ATP9A: variants seen among roughly 807,000 people sequenced by gnomAD.
The protein encoded by ATP9A is ATPase phospholipid transporting 9A, also known as probable phospholipid-transporting ATPase IIA.
A neutral mutation model predicts 144.1 loss-of-function variants in ATP9A; 52 were observed. The observed-to-expected ratio is 0.36, with a 90% confidence interval of 0.29 to 0.45. ATP9A has a LOEUF of 0.45. Among genes scored for constraint, ATP9A ranks in the 20% least tolerant of loss-of-function variants. The pLI is 1.00. For missense variants in ATP9A, 947 were observed against 1,392.7 expected (o/e 0.68, Z 5.09); for synonymous variants, 582 against 557.4 (o/e 1.04, Z -0.62).
chr20:51,654,100 C>T (rs192163673), intron 14 of ATP9A, among the ~76,000 whole-genome samples: 1 of 152,174 alleles, frequency 6.6e-6, no homozygotes, highest in African/African-American at 2.4e-5. Flanking sequence ...CCTCCCTCCC[C>T]CTCTCTCTTT....
At chr20:51,673,596 C>G (rs925430848) in intron 11 of ATP9A, among the ~76,000 whole-genome samples, 2 of 152,118 alleles carry the variant, frequency 1.3e-5, no homozygotes, top group Non-Finnish European at 2.9e-5. Context: ...GACAGGAGCT[C>G]TAAATGGCAT....
chr20:51,610,030 G>A (rs1002910401), intron 24 of ATP9A, 71 bp downstream of exon 24: 6 of 1,398,752 alleles, frequency 4.3e-6, no homozygotes, highest in Admixed American at 1.8e-5. Context: ...TTTCCACCAC[G>A]TTTCTTCTCT....
chr20:51,690,369 G>A (rs970130212), intron 8 of ATP9A, among the ~76,000 whole-genome samples: 15 of 152,032 alleles, frequency 9.9e-5, no homozygotes, highest in African/African-American at 1.9e-4. Flanking sequence ...GCAGTGAGCC[G>A]AGATGGTGCC....
At chr20:51,703,971 G>A (rs1784486571) in intron 4 of ATP9A, among the ~76,000 whole-genome samples, 1 of 152,068 alleles carries the variant, frequency 6.6e-6, no homozygotes, top group Non-Finnish European at 1.5e-5. Context: ...TCTGCTTCAT[G>A]TGTACATTTC....
intron 14 of ATP9A, among the ~76,000 whole-genome samples, chr20:51,641,231 C>T (rs1406827796): frequency 1.3e-5 from 2 of 151,768 alleles, no homozygotes; most frequent in African/African-American, 2.4e-5. Flanking sequence ...TGGTGGCATG[C>T]GCCTGTAATC....
intron 21 of ATP9A, 36 bp downstream of exon 21, chr20:51,618,626 G>T (rs573592677): frequency 6.3e-7 from 1 of 1,589,244 alleles, no homozygotes; most frequent in Non-Finnish European, 8.5e-7. Flanking sequence ...TGCACCGGCA[G>T]GCCAGGGCCA....
At chr20:51,691,463 C>T (rs529706576) in intron 7 of ATP9A, among the ~76,000 whole-genome samples, 2 of 152,108 alleles carry the variant, frequency 1.3e-5, no homozygotes, top group African/African-American at 4.8e-5. Context: ...AGCGAGACTC[C>T]GTCTCAAAAA....
Position 51,629,051 on chromosome 20 carries a change from T to C in ATP9A, c.1690A>G (p.Thr564Ala). 1.2e-6 allele frequency: 2 copies of C among 1,614,004 alleles called. No homozygotes were observed. The highest frequency in any genetic ancestry group is 1.1e-5 in the South Asian group (1 of 91,068). ...ACATCTGCTCCCTTCATGTAAAACG[T>C]AATTTCTCCAGTTGATTCATCCTAG... The part of the protein sequence containing the change: ...IVRDESTGEI[T>A]FYMKGADVVM... The change falls in exon 16 of 28, where the codon ACG (threonine) becomes GCG (alanine). Residue 564 changes from threonine to alanine, a missense_variant. Around this residue, in one of 2 missense-constraint regions of ATP9A, gnomAD observed 770 missense variants for 1,047.9 expected, o/e 0.73. Transcript: ENST00000338821.
intron 15 of ATP9A, 88 bp from the exon 16 acceptor site, chr20:51,629,160 A>T: frequency 1.9e-6 from 2 of 1,053,480 alleles, no homozygotes; most frequent in Non-Finnish European, 2.9e-6. Context: ...GACAGTGTAC[A>T]AAGTGCACTT....
intron 3 of ATP9A, among the ~76,000 whole-genome samples, chr20:51,719,510 G>A (rs1459082702): frequency 4.6e-5 from 7 of 151,932 alleles, no homozygotes; most frequent in East Asian, 1.9e-4. Flanking sequence ...CAAGATGGGC[G>A]GATCAAGAGG....
At chr20:51,666,952 C>T (rs1568811174) in intron 13 of ATP9A, among the ~76,000 whole-genome samples, 1 of 152,168 alleles carries the variant, frequency 6.6e-6, no homozygotes, top group Non-Finnish European at 1.5e-5. Flanking sequence ...TGGTCCTGTG[C>T]TTATGCCAGG....
intron 9 of ATP9A, among the ~76,000 whole-genome samples, chr20:51,676,618 A>G (rs2077478358): frequency 6.6e-6 from 1 of 152,184 alleles, no homozygotes; most frequent in Admixed American, 6.6e-5. Flanking sequence ...AGCTTGGATT[A>G]CAGGCACCTG....
chr20:51,632,095 G>A (rs1263638006), intron 15 of ATP9A, among the ~76,000 whole-genome samples: 1 of 151,600 alleles, frequency 6.6e-6, no homozygotes, highest in Non-Finnish European at 1.5e-5. Flanking sequence ...TTTGAGACAG[G>A]GTCTTGCTGT....
intron 19 of ATP9A, among the ~76,000 whole-genome samples, chr20:51,620,862 T>C (rs2077223976): frequency 6.6e-6 from 1 of 152,006 alleles, no homozygotes; most frequent in Non-Finnish European, 1.5e-5. Flanking sequence ...TTTAAGCCAC[T>C]CTAGGCCAGG....
intron 5 of ATP9A, 71 bp downstream of exon 5, chr20:51,697,353 A>G: frequency 7.0e-7 from 1 of 1,438,474 alleles, no homozygotes; most frequent in Non-Finnish European, 9.6e-7. Flanking sequence ...CACTTCGTCT[A>G]CCAGATACAC....
At chr20:51,626,909 T>C (rs2122730854) in intron 17 of ATP9A, among the ~76,000 whole-genome samples, 1 of 151,882 alleles carries the variant, frequency 6.6e-6, no homozygotes, top group Non-Finnish European at 1.5e-5. Flanking sequence ...ATACAAAAAT[T>C]AGCCGGGCAT....
intron 14 of ATP9A, among the ~76,000 whole-genome samples, chr20:51,651,267 A>C (rs1434168527): frequency 7.2e-6 from 1 of 139,634 alleles, no homozygotes; most frequent in Non-Finnish European, 1.5e-5. Context: ...TATATTATAT[A>C]ATATATATTT....
Position 51,679,774 on chromosome 20 carries a change from C to T in ATP9A, c.800-3566G>A, listed in dbSNP as rs573248573. 3.3e-5 allele frequency among the ~76,000 whole-genome samples: 5 copies of T among 152,304 alleles called. No homozygotes were observed. The South Asian group carries it at 1.0e-3, about 32-fold the overall frequency. On this transcript the variant is annotated intron_variant, in intron 9 of 27. Coordinates refer to ENST00000338821, the MANE Select transcript of ATP9A (RefSeq NM_006045.3). ...AGTGTGGTGCTGCCTGGGGTCAGGG[C>T]TATTCTGTGACCCCTTTGTTCCTCA...
chr20:51,619,576 A>AGGG (rs61359027), intron 19 of ATP9A, among the ~76,000 whole-genome samples: 4 of 86,618 alleles, frequency 4.6e-5, no homozygotes, highest in South Asian at 4.0e-4. Flanking sequence ...AAAAAAAAAA[A>AGGG]GGGGGGGGGG....
Sources: gnomAD v4.1 joint callset for allele counts (sites outside exome capture counted in the v4.1 genomes callset) on GRCh38, gnomAD v4.1.1 for gene constraint, gnomAD v4.1.1 regional missense constraint, MANE v1.5 for transcripts, NCBI Gene and HGNC (gene_info 2026-07-23, HGNC 2026-07-21) for gene names.